CYP7B1: variants seen among roughly 807,000 people sequenced by gnomAD.
CYP7B1 encodes the protein cytochrome P450 family 7 subfamily B member 1.
Under a neutral mutation model 42.7 loss-of-function variants are expected in CYP7B1, and 29 were observed. The ratio of observed to expected loss-of-function variants is 0.68; its 90% CI spans 0.51 to 0.93. CYP7B1 has a LOEUF of 0.93. CYP7B1 is among the 40% of genes least tolerant of loss of function. The pLI, the probability that CYP7B1 is intolerant of heterozygous loss-of-function variation, is 0.00. For missense variants in CYP7B1, 655 were observed against 600.5 expected, an observed-to-expected ratio of 1.09 and a Z score of -0.95; for synonymous variants, 235 against 218.2, an observed-to-expected ratio of 1.08 and a Z score of -0.68.
At chr8:64,704,966 T>C (rs7817370) in intron 1 of CYP7B1, among the ~76,000 whole-genome samples, 2,116 of 152,146 alleles carry the variant, frequency 0.014, 57 homozygotes, top group African/African-American at 0.046. Context: ...TAGATGTGTT[T>C]AGACATTATC....
chr8:64,599,450 A>G lies in CYP7B1; in HGVS notation c.1234-2521T>C, dbSNP rs1301592318. Among the ~76,000 whole-genome samples, 5 of 152,194 alleles carry G rather than the reference A, an allele frequency of 3.3e-5. No homozygotes were observed. The East Asian group carries it at 9.6e-4, about 29-fold the overall frequency. ...TGATCCGCCGGCCTCGGCCTCCCAA[A>G]GTGCTGGGGTTACAGGTGTGAGCCA... On this transcript the variant is annotated intron_variant, in intron 5 of 5. Coordinates refer to ENST00000310193, the MANE Select transcript of CYP7B1 (RefSeq NM_004820.5).
intron 1 of CYP7B1, among the ~76,000 whole-genome samples, chr8:64,652,619 C>G (rs551392107): frequency 1.3e-5 from 2 of 152,030 alleles, no homozygotes; most frequent in Admixed American, 1.3e-4. Flanking sequence ...CCGAGGCAGG[C>G]GGATCACGAG....
chr8:64,794,253 C>T (rs945050477), intron 1 of CYP7B1, among the ~76,000 whole-genome samples: 6 of 152,152 alleles, frequency 3.9e-5, no homozygotes, highest in Admixed American at 2.0e-4. Context: ...TCTTGGCCAA[C>T]CCTGGACATG....
intron 1 of CYP7B1, among the ~76,000 whole-genome samples, chr8:64,768,857 TA>T (rs1344147572): frequency 6.6e-6 from 1 of 152,116 alleles, no homozygotes; most frequent in Non-Finnish European, 1.5e-5. Flanking sequence ...AAGCCCTCAA[TA>T]AAAGAATCAC....
At chr8:64,761,975 G>A (rs1185577176) in intron 1 of CYP7B1, among the ~76,000 whole-genome samples, 1 of 152,160 alleles carries the variant, frequency 6.6e-6, no homozygotes, top group Non-Finnish European at 1.5e-5. Context: ...TATGAGAGAA[G>A]CAGGAAACAG....
intron 1 of CYP7B1, among the ~76,000 whole-genome samples, chr8:64,704,729 T>A: frequency 6.6e-6 from 1 of 152,064 alleles, no homozygotes; most frequent in Non-Finnish European, 1.5e-5. Flanking sequence ...TTGAGAAATA[T>A]CTGTTACACA....
In CYP7B1 at chr8:64,592,161, C is replaced by G. The variant is rs924556184; in HGVS notation, c.*4481G>C. On this transcript the variant is annotated 3_prime_UTR_variant, in exon 6 of 6. Transcript: ENST00000310193. ...TGAGATCATGCCACTGGACTCCAGC[C>G]TGGGCGACAGAGCAAGACTCCATCT... 8.6e-5 allele frequency among the ~76,000 whole-genome samples: 13 copies of G among 151,434 alleles called. No individual in the cohort carries two copies. Among genetic ancestry groups the G allele is most frequent in the African/African-American group, 2.2e-4 (9 of 41,146 alleles).
intron 1 of CYP7B1, among the ~76,000 whole-genome samples, chr8:64,719,708 G>A (rs74439260): frequency 1.2e-4 from 19 of 152,248 alleles, no homozygotes; most frequent in Admixed American, 8.5e-4. Context: ...TCTGTCTTGC[G>A]TCTTCATTGG....
chr8:64,621,820 C>G (rs1406342464), intron 2 of CYP7B1, among the ~76,000 whole-genome samples: 10 of 150,696 alleles, frequency 6.6e-5, no homozygotes, highest in Non-Finnish European at 1.3e-4. Flanking sequence ...ACTGCAACCT[C>G]CGCCTCCCGG....
Position 64,791,976 on chromosome 8 carries a change from A to T in CYP7B1, c.122+6490T>A, listed in dbSNP as rs184434356. Among the ~76,000 whole-genome samples the T allele has an allele frequency of 1.8e-4, 27 of 152,338 alleles. No individual in the cohort carries two copies. The East Asian group carries it at 5.0e-3, about 28-fold the overall frequency. ...AGGGGTATGGTAAAGAACATATCTT[A>T]AAAAATAGTTAAATCATCAAAAATA... On this transcript the variant is annotated intron_variant, in intron 1 of 5. Transcript: ENST00000310193.
Position 64,741,860 on chromosome 8 carries a change from T to A in CYP7B1, c.122+56606A>T, listed in dbSNP as rs556393952. On this transcript the variant is annotated intron_variant, in intron 1 of 5. Transcript: ENST00000310193. The stretch of plus-strand genomic sequence containing the variant: ...ATAAAAGAAATTAAAGATATAAATA[T>A]ATGGTAGAGATAAACTATGTTCGTT... Among the ~76,000 whole-genome samples, 6 of 152,280 alleles carry A rather than the reference T, an allele frequency of 3.9e-5. No individual in the cohort carries two copies. In the East Asian group the frequency reaches 7.7e-4, roughly 20 times the overall value.
At chr8:64,645,649 T>C (rs981381427) in intron 1 of CYP7B1, among the ~76,000 whole-genome samples, 9 of 152,070 alleles carry the variant, frequency 5.9e-5, no homozygotes, top group African/African-American at 2.2e-4. Flanking sequence ...TTAAATGCCA[T>C]CCCCATCAAG....
At chr8:64,700,724 A>G (rs1563397039) in intron 1 of CYP7B1, among the ~76,000 whole-genome samples, 1 of 152,166 alleles carries the variant, frequency 6.6e-6, no homozygotes, top group African/African-American at 2.4e-5. Context: ...AGAACAAAGT[A>G]TATGTATATG....
intron 1 of CYP7B1, among the ~76,000 whole-genome samples, chr8:64,793,974 A>T (rs913568015): frequency 6.6e-6 from 1 of 151,882 alleles, no homozygotes; most frequent in African/African-American, 2.4e-5. Context: ...AAAAAAAAAA[A>T]CAATCAACCA....
rs1563535429 is a variant in CYP7B1, at chr8:64,593,235, GTGTGTGT to G, written c.*3400_*3406del. ...TGGACTAAAGGCTAGGGCCCAGGGT[GTGTGTGT>G]GTGTGTGTGTGTGTGTGTGTGTGTG... On this transcript the variant is annotated 3_prime_UTR_variant, in exon 6 of 6. Transcript: ENST00000310193. 6.5e-3 allele frequency among the ~76,000 whole-genome samples: 335 copies of G among 51,658 alleles called. 1 individual carries two copies. Among genetic ancestry groups the G allele is most frequent in the East Asian group, 0.015 (8 of 518 alleles). 33.9% of individuals were successfully genotyped at this position (51,658 alleles called of 152,430 possible).
chr8:64,735,706 G>A (rs1292433918), intron 1 of CYP7B1, among the ~76,000 whole-genome samples: 4 of 152,150 alleles, frequency 2.6e-5, no homozygotes, highest in Non-Finnish European at 4.4e-5. Flanking sequence ...AAAGTAGAGA[G>A]AAAATTATAA....
chr8:64,789,565 G>A (rs978310136), intron 1 of CYP7B1, among the ~76,000 whole-genome samples: 1 of 152,150 alleles, frequency 6.6e-6, no homozygotes, highest in Admixed American at 6.5e-5. Context: ...TCAATGCAGC[G>A]GTTCTCTACC....
At chr8:64,671,093 T>C (rs73689569) in intron 1 of CYP7B1, among the ~76,000 whole-genome samples, 12,090 of 152,010 alleles carry the variant, frequency 0.08, 687 homozygotes, top group South Asian at 0.16. Context: ...CTCCCCCCCA[T>C]GTATATATAA....
chr8:64,633,399 A>G (rs1162537123), intron 1 of CYP7B1, among the ~76,000 whole-genome samples: 1 of 152,218 alleles, frequency 6.6e-6, no homozygotes, highest in African/African-American at 2.4e-5. Context: ...GAAGTACTAC[A>G]GTAAAGTTGC....
Sources: gnomAD v4.1 joint callset for allele counts (sites outside exome capture counted in the v4.1 genomes callset) on GRCh38, gnomAD v4.1.1 for gene constraint, MANE v1.5 for transcripts, NCBI Gene and HGNC (gene_info 2026-07-23, HGNC 2026-07-21) for gene names.